TRIM72: variants seen among roughly 807,000 people sequenced by gnomAD.
The protein encoded by TRIM72 is tripartite motif containing 72, also known as tripartite motif-containing protein 72.
TRIM72 carries 33 observed loss-of-function variants against 31.6 expected under a neutral mutation model. That is an observed-to-expected ratio of 1.04 (90% CI 0.79 to 1.40). The LOEUF (loss-of-function observed/expected upper bound fraction) is 1.40. TRIM72 is among the 40% of genes most tolerant of loss of function. The pLI, the probability that TRIM72 is intolerant of heterozygous loss-of-function variation, is 0.00. For synonymous variants in TRIM72, 301 were observed against 314.4 expected, an observed-to-expected ratio of 0.96 and a Z score of 0.45; for missense variants, 666 against 682.7, an observed-to-expected ratio of 0.98 and a Z score of 0.27.
At position 31,215,027 on chromosome 16, in the gene TRIM72, T is replaced by C. The variant is rs750705473; in HGVS notation, c.289T>C (p.Cys97Arg). 32 of 1,508,754 alleles carry C rather than the reference T, an allele frequency of 2.1e-5. No homozygotes were observed. Among genetic ancestry groups the C allele is most frequent in the Admixed American group, 4.2e-5 (2 of 47,742 alleles). 93.5% of individuals were successfully genotyped at this position (1,508,754 alleles called of 1,614,324 possible). ...EEHLDPLSIY[C>R]EQDRALVCGV... The stretch of plus-strand genomic sequence containing the variant: ...GCACCTGGACCCGCTGAGCATCTAC[T>C]GCGAGCAGGACCGCGCGCTGGTGTG... The change falls in exon 2 of 7, where the codon TGC (cysteine) becomes CGC (arginine). Residue 97 changes from cysteine (C) to arginine (R), a missense_variant. Transcript: ENST00000322122. This position sits in a 1 kb window ranked among gnomAD's most constrained non-coding sequence, Gnocchi z 6.3.
At position 31,225,632 on chromosome 16, in the gene TRIM72, T is replaced by A. The variant is rs1045356755; in HGVS notation, c.*877T>A. ...GGACAGGTCAAAAATGCTCATTTCT[T>A]TTTTTTATTTCTTTTTTTTTTTTTT... On this transcript the variant is annotated 3_prime_UTR_variant, in exon 7 of 7. Transcript: ENST00000322122. 1 of 151,306 alleles carries A rather than the reference T, an allele frequency of 6.6e-6. No homozygotes were observed. The highest frequency in any genetic ancestry group is 1.5e-5 in the Non-Finnish European group (1 of 68,792). 9.4% of individuals were successfully genotyped at this position (151,306 alleles called of 1,614,324 possible).
In TRIM72 at chr16:31,224,614, C is replaced by A; in HGVS notation, c.1293C>A (p.Asp431Glu). 3 of 1,552,350 alleles carry A rather than the reference C, an allele frequency of 1.9e-6. No individual in the cohort carries two copies. The change falls in exon 7 of 7, where the codon GAC becomes GAA. Residue 431 changes from aspartate (D) to glutamate (E), a missense_variant. Transcript: ENST00000322122. ...DGVLSFYDAS[D>E]ADALVPLFAF... ...TCCTCTCCTTCTACGATGCCAGCGA[C>A]GCCGACGCGCTCGTGCCGCTTTTTG...
At position 31,230,611 on chromosome 16, in the gene TRIM72, A is replaced by C. The variant is rs573307981; in HGVS notation, c.*5856A>C. 4.0e-4 allele frequency: 60 copies of C among 151,464 alleles called. No homozygotes were observed. Among genetic ancestry groups the C allele is most frequent in the African/African-American group, 1.4e-3 (58 of 41,316 alleles). The allele number at this position is 151,464 out of a possible 1,614,324, so 9.4% of individuals were successfully genotyped here. On this transcript the variant is annotated 3_prime_UTR_variant, in exon 7 of 7. Coordinates refer to ENST00000322122, the MANE Select transcript of TRIM72 (RefSeq NM_001008274.4). ...CGTGGTGGCAGGCACCTGTAGTCCCAGCTACTTGGGAGGCTGAGGCAGGAG... is the reference window on the plus strand; with the variant it reads ...CGTGGTGGCAGGCACCTGTAGTCCCCGCTACTTGGGAGGCTGAGGCAGGAG...
At chr16:31,221,033 C>A in intron 5 of TRIM72, 115 bp downstream of exon 5, 1 of 1,313,340 alleles carries the variant, frequency 7.6e-7, no homozygotes, top group Non-Finnish European at 1.1e-6. Flanking sequence ...CAGTCTGCTG[C>A]CCCACCCCTG....
intron 6 of TRIM72, among the ~76,000 whole-genome samples, chr16:31,223,618 T>A (rs2079542902): frequency 6.6e-6 from 1 of 152,102 alleles, no homozygotes. Flanking sequence ...AATTTAGTCC[T>A]GTTGGCCAGG....
rs1351365882 is a variant in TRIM72, at chr16:31,220,913, C to T, written c.735C>T (p.Thr245=). 2 of 1,614,160 alleles carry T rather than the reference C, an allele frequency of 1.2e-6. No individual in the cohort carries two copies. The highest frequency in any genetic ancestry group is 2.2e-5 in the South Asian group (2 of 91,088). ...CTCTCCAGAAATACTGCCTGGTGACCAGCAGGTGAGAGCAACCTGGCCCTG... is the reference window on the plus strand; with the variant it reads ...CTCTCCAGAAATACTGCCTGGTGACTAGCAGGTGAGAGCAACCTGGCCCTG... ...TEFLMKYCLV[T]SRLQKILAES... Residue 245 remains threonine (T), a synonymous_variant, in exon 5 of 7, where the codon ACC becomes ACT. Transcript: ENST00000322122.
In TRIM72 at chr16:31,216,901, G is replaced by A. The variant is rs1472492262; in HGVS notation, c.390+1773G>A. ...GTCCACGATATCTAGCTGCCCGAGCGCGCCCCGCGGGATGCGCTCAAAGCC... is the reference window on the plus strand; with the variant it reads ...GTCCACGATATCTAGCTGCCCGAGCACGCCCCGCGGGATGCGCTCAAAGCC... On this transcript the variant is annotated intron_variant, in intron 2 of 6. Coordinates refer to ENST00000322122, the MANE Select transcript of TRIM72 (RefSeq NM_001008274.4). The surrounding 1 kb of genome is among the most constrained non-coding windows in gnomAD (Gnocchi z 6.7). 4 of 1,613,936 alleles carry A rather than the reference G, an allele frequency of 2.5e-6. No homozygotes were observed. Among genetic ancestry groups the A allele is most frequent in the Non-Finnish European group, 3.4e-6 (4 of 1,180,030 alleles).
At position 31,224,738 on chromosome 16, in the gene TRIM72, GA is replaced by G; in HGVS notation, c.1419del (p.Gly474AlafsTer10). On this transcript the variant is annotated frameshift_variant, in exon 7 of 7. Coordinates refer to ENST00000322122, the MANE Select transcript of TRIM72 (RefSeq NM_001008274.4). LOFTEE classifies it high-confidence loss of function. ...NAQPLLLVGP[E>X]GAEA ...CCAGCCGCTGCTGCTCGTGGGTCCC[GA>G]AGGCGCCGAGGCCTGAGCCGCCGGA... is the stretch of plus-strand genomic sequence containing the variant. The G allele has an allele frequency of 6.6e-7, 1 of 1,505,008 alleles. No individual in the cohort carries two copies. The highest frequency in any genetic ancestry group is 1.2e-5 in the South Asian group (1 of 81,160). The allele number at this position is 1,505,008 out of a possible 1,614,324, so 93.2% of individuals were successfully genotyped here.
At chr16:31,224,075 G>C (rs1459144608) in intron 6 of TRIM72, 106 bp from the exon 7 acceptor site, 4 of 1,328,074 alleles carry the variant, frequency 3.0e-6, no homozygotes, top group Non-Finnish European at 4.1e-6. Flanking sequence ...CCAGTGAGCA[G>C]AGATGCCAAG....
intron 4 of TRIM72, 128 bp from the exon 5 acceptor site, chr16:31,220,768 G>GCCA: frequency 7.9e-7 from 1 of 1,268,300 alleles, no homozygotes. Flanking sequence ...ACCTCGTCTG[G>GCCA]CCTCTTTTAG....
In TRIM72 at chr16:31,219,377, G is replaced by A. The variant is rs191800804; in HGVS notation, c.575G>A (p.Arg192His). 15 of 1,614,116 alleles carry A rather than the reference G, an allele frequency of 9.3e-6. No individual in the cohort carries two copies. Among genetic ancestry groups the A allele is most frequent in the South Asian group, 4.4e-5 (4 of 91,070 alleles). Residue 192 changes from arginine (R) to histidine (H), a missense_variant, in exon 4 of 7, where the codon CGC becomes CAC. Physicochemically the swap from Arg to His is conservative, Grantham distance 29 (BLOSUM62 0). Coordinates refer to ENST00000322122, the MANE Select transcript of TRIM72 (RefSeq NM_001008274.4). This position sits in a 1 kb window ranked among gnomAD's most constrained non-coding sequence, Gnocchi z 4.2. ...GCTGCACTGGAGGGCTCCTTGGACC[G>A]CGAGGCAGAGCGTGTACGGGGTGAG... ...FLAALEGSLD[R>H]EAERVRGEAG...
At chr16:31,223,311 C>T (rs1285272353) in intron 6 of TRIM72, among the ~76,000 whole-genome samples, 3 of 152,130 alleles carry the variant, frequency 2.0e-5, no homozygotes, top group Non-Finnish European at 4.4e-5. Flanking sequence ...GCTCCTGGAA[C>T]CCTGGGGACT....
rs770806025 is a variant in TRIM72, at chr16:31,215,056, A to G, written c.318A>G (p.Gly106=). The change falls in exon 2 of 7, where the codon GGA becomes GGG. Residue 106 remains glycine, a synonymous_variant. Coordinates refer to ENST00000322122, the MANE Select transcript of TRIM72 (RefSeq NM_001008274.4). This position sits in a 1 kb window ranked among gnomAD's most constrained non-coding sequence, Gnocchi z 6.3. The stretch of plus-strand genomic sequence containing the variant: ...AGCAGGACCGCGCGCTGGTGTGCGG[A>G]GTGTGCGCCTCACTCGGCTCGCACC... ...YCEQDRALVC[G]VCASLGSHRG... 6.3e-5 allele frequency: 93 copies of G among 1,486,222 alleles called. No homozygotes were observed. Among genetic ancestry groups the G allele is most frequent in the South Asian group, 1.6e-4 (12 of 76,636 alleles). 92.1% of individuals were successfully genotyped at this position (1,486,222 alleles called of 1,614,324 possible).
chr16:31,222,814 T>TCCCCCCCC lies in TRIM72; in HGVS notation c.741-9_741-8insCCCCCCCC. ...CCCTCACACATGCCTCCCCTTCCCC[T>TCCCCCCCC]CCCCACCCCCAGGCTGCAGAAGATC... On this transcript the variant is annotated splice_polypyrimidine_tract_variant and intron_variant, in intron 5 of 6. Coordinates refer to ENST00000322122, the MANE Select transcript of TRIM72 (RefSeq NM_001008274.4). The TCCCCCCCC allele has an allele frequency of 9.4e-6, 2 of 213,862 alleles. No homozygotes were observed. The highest frequency in any genetic ancestry group is 4.3e-5 in the South Asian group (1 of 23,436). The allele number at this position is 213,862 out of a possible 1,614,324, so 13.2% of individuals were successfully genotyped here.
chr16:31,217,312 G>C, intron 2 of TRIM72: 1 of 438,864 alleles, frequency 2.3e-6, no homozygotes, highest in Non-Finnish European at 4.1e-6. Flanking sequence ...AGGCAGGAAT[G>C]GAACTGATTC....
In TRIM72 at chr16:31,215,048, G is replaced by A. The variant is rs769565638; in HGVS notation, c.310G>A (p.Val104Met). 2 of 1,486,392 alleles carry A rather than the reference G, an allele frequency of 1.3e-6. No individual in the cohort carries two copies. Among genetic ancestry groups the A allele is most frequent in the East Asian group, 2.7e-5 (1 of 36,974 alleles). The allele number at this position is 1,486,392 out of a possible 1,614,324, so 92.1% of individuals were successfully genotyped here. Residue 104 changes from valine to methionine, a missense_variant, in exon 2 of 7, where the codon GTG becomes ATG. Physicochemically the swap from Val to Met is conservative, Grantham distance 21. Transcript: ENST00000322122. The surrounding 1 kb of genome is among the most constrained non-coding windows in gnomAD (Gnocchi z 6.3). ...CTACTGCGAGCAGGACCGCGCGCTG[G>A]TGTGCGGAGTGTGCGCCTCACTCGG... ...SIYCEQDRALVCGVCASLGSH... is the reference protein window; with the variant it reads ...SIYCEQDRALMCGVCASLGSH...
intron 5 of TRIM72, 138 bp downstream of exon 5, chr16:31,221,056 G>A: frequency 1.8e-6 from 2 of 1,116,682 alleles, no homozygotes; most frequent in South Asian, 1.3e-5. Context: ...TGAACACAAG[G>A]TTGTAGACAG....
In TRIM72 at chr16:31,224,265, A is replaced by G; in HGVS notation, c.944A>G (p.Glu315Gly). 1 of 1,604,470 alleles carries G rather than the reference A, an allele frequency of 6.2e-7. No homozygotes were observed. The highest frequency in any genetic ancestry group is 8.5e-7 in the Non-Finnish European group (1 of 1,179,490). The change falls in exon 7 of 7, where the codon GAG becomes GGG. Residue 315 changes from glutamate to glycine, a missense_variant. By Grantham distance (98) the Glu-to-Gly change is moderately conservative. Coordinates refer to ENST00000322122, the MANE Select transcript of TRIM72 (RefSeq NM_001008274.4). ...TCTGGCCGCCGCGTGGAGTGCTCGG[A>G]GCAGAAGGCGCCGCCGGCCGGGGAG... ...SSSGRRVECS[E>G]QKAPPAGEDP...
chr16:31,227,795 A>G lies in TRIM72; in HGVS notation c.*3040A>G, dbSNP rs1300516897. ...CAGGCACCCATCACCATGCCTGACT[A>G]TTTTTTATTTTTTGTATTTTGGTAG... On this transcript the variant is annotated 3_prime_UTR_variant, in exon 7 of 7. Coordinates refer to ENST00000322122, the MANE Select transcript of TRIM72 (RefSeq NM_001008274.4). 1 of 151,474 alleles carries G rather than the reference A, an allele frequency of 6.6e-6. No individual in the cohort carries two copies. Among genetic ancestry groups the G allele is most frequent in the Admixed American group, 6.6e-5 (1 of 15,196 alleles). 9.4% of individuals were successfully genotyped at this position (151,474 alleles called of 1,614,324 possible).
Sources: allele counts gnomAD v4.1 joint callset (sites outside exome capture counted in the v4.1 genomes callset), GRCh38; gene constraint gnomAD v4.1.1; non-coding constraint Gnocchi (gnomAD v3.1); transcripts MANE v1.5; gene names NCBI Gene and HGNC (gene_info 2026-07-23, HGNC 2026-07-21).